Variants in PRAMEF2 observed in about 807,000 individuals in gnomAD.
PRAMEF2 encodes the protein PRAME family member 2.
Under a neutral mutation model 38.0 loss-of-function variants are expected in PRAMEF2, and 35 were observed. The observed-to-expected ratio is 0.92, with a 90% CI of 0.70 to 1.22. The LOEUF is 1.22. PRAMEF2 is among the 50% of genes most tolerant of loss of function. The pLI is 0.00. For synonymous variants in PRAMEF2, 240 were observed against 232.4 expected, an observed-to-expected ratio of 1.03 and a Z score of -0.30; for missense variants, 562 against 553.9, an observed-to-expected ratio of 1.01 and a Z score of -0.15.
chr1:12,858,282 A>G (rs1188980888), intron 1 of PRAMEF2, among the ~76,000 whole-genome samples: 1 of 149,910 alleles, frequency 6.7e-6, no homozygotes, highest in Non-Finnish European at 1.5e-5. Context: ...TTTGAGTCAG[A>G]GTCCAACGCT....
intron 3 of PRAMEF2, among the ~76,000 whole-genome samples, chr1:12,860,613 G>A (rs1317395944): frequency 6.7e-6 from 1 of 149,918 alleles, no homozygotes; most frequent in Non-Finnish European, 1.5e-5. Context: ...TAATAGAGGA[G>A]GGTATGAAAG....
Position 12,859,108 on chromosome 1 carries a change from G to T in PRAMEF2, c.99G>T (p.Arg33Ser), listed in dbSNP as rs9661554. 181,853 of 1,604,410 alleles carry T rather than the reference G, an allele frequency of 0.11. 15,043 individuals carry two copies. Among genetic ancestry groups the T allele is most frequent in the African/African-American group, 0.13 (9,265 of 74,020 alleles). Reference sequence around the variant, plus strand: ...TCTCTGCCATGGAGGAGCTGCCCAGGGTGCTCTATCTCCCACTCTTCAGGG... The same window carrying T: ...TCTCTGCCATGGAGGAGCTGCCCAGTGTGCTCTATCTCCCACTCTTCAGGG... ...LSISAMEELP[R>S]VLYLPLFREA... Residue 33 changes from arginine (R) to serine (S), a missense_variant, in exon 2 of 4, where the codon AGG becomes AGT. Coordinates refer to ENST00000240189, the MANE Select transcript of PRAMEF2 (RefSeq NM_023014.1).
rs1034410637 is a variant in PRAMEF2, at chr1:12,858,861, G to A, written c.-25-124G>A. The A allele has an allele frequency of 1.3e-5, 15 of 1,137,096 alleles. 2 individuals carry two copies. The African/African-American group carries it at 1.4e-4, about 11-fold the overall frequency. 70.4% of individuals were successfully genotyped at this position (1,137,096 alleles called of 1,614,324 possible). On this transcript the variant is annotated intron_variant, in intron 1 of 3. Coordinates refer to ENST00000240189, the MANE Select transcript of PRAMEF2 (RefSeq NM_023014.1). ...TATAGATTTGAGGCCAACAAGCACAGTGGAATTGGGGTAAAGTGGTAATTT... is the reference window on the plus strand; with the variant it reads ...TATAGATTTGAGGCCAACAAGCACAATGGAATTGGGGTAAAGTGGTAATTT...
Position 12,861,294 on chromosome 1 carries a change from T to C in PRAMEF2, c.940T>C (p.Ser314Pro). The C allele has an allele frequency of 6.2e-7, 1 of 1,607,414 alleles. No homozygotes were observed. ...NLLEEDLKCL[S>P]QFPSLGYLKH... is the part of the protein sequence containing the mutation. ...ATTAGAAGAGGACTTGAAGTGTCTC[T>C]CCCAGTTCCCAAGCCTCGGTTACCT... Residue 314 changes from serine (S) to proline (P), a missense_variant, in exon 4 of 4, where the codon TCC becomes CCC. Ser to Pro is a moderately conservative substitution (Grantham distance 74, BLOSUM62 -1). Coordinates refer to ENST00000240189, the MANE Select transcript of PRAMEF2 (RefSeq NM_023014.1).
chr1:12,857,801 T>C (rs1737101), intron 1 of PRAMEF2, among the ~76,000 whole-genome samples: 13,417 of 127,058 alleles, frequency 0.11, 706 homozygotes, highest in East Asian at 0.18. Flanking sequence ...TAGTTACATG[T>C]GATTCTCCTG....
chr1:12,859,903 C>A lies in PRAMEF2; in HGVS notation c.498C>A (p.Tyr166Ter). ...TACCCCAGGATGAATGCCTGAGATA[C>A]CTCTTCCAGTGGGTTTACCAAAGGA... ...KEIPQDECLRYLFQWVYQRRG... is the reference protein window; with the variant it reads ...KEIPQDECLR Residue 166 changes from tyrosine to a stop codon, truncating the protein, a stop_gained, in exon 3 of 4, where the codon TAC (tyrosine) becomes TAA (stop). Coordinates refer to ENST00000240189, the MANE Select transcript of PRAMEF2 (RefSeq NM_023014.1). LOFTEE classifies it high-confidence loss of function. The A allele has an allele frequency of 1.2e-6, 2 of 1,608,542 alleles. No individual in the cohort carries two copies. The highest frequency in any genetic ancestry group is 2.7e-5 in the African/African-American group (2 of 74,582).
In PRAMEF2 at chr1:12,859,176, T is replaced by C. The variant is rs1569846328; in HGVS notation, c.167T>C (p.Val56Ala). ...CACTTCCAGACTCTGACGGTGATGG[T>C]GCAGGCCTGGCCTTTCACCTGCCTC... ...RRHFQTLTVMVQAWPFTCLPL... is the reference protein window; with the variant it reads ...RRHFQTLTVMAQAWPFTCLPL... Residue 56 changes from valine to alanine, a missense_variant, in exon 2 of 4, where the codon GTG becomes GCG. Val to Ala is a moderately conservative substitution (Grantham distance 64). Around this residue, in one of 2 missense-constraint regions of PRAMEF2, gnomAD observed 486 missense variants for 444.2 expected, o/e 1.09. Coordinates refer to ENST00000240189, the MANE Select transcript of PRAMEF2 (RefSeq NM_023014.1). 6.2e-7 allele frequency: 1 copy of C among 1,608,548 alleles called. No homozygotes were observed. Among genetic ancestry groups the C allele is most frequent in the Non-Finnish European group, 8.5e-7 (1 of 1,177,496 alleles).
At chr1:12,860,791 G>C (rs1259349046) in intron 3 of PRAMEF2, among the ~76,000 whole-genome samples, 1 of 150,040 alleles carries the variant, frequency 6.7e-6, no homozygotes. Context: ...GGAGGTGAGG[G>C]AGTAGGCGTG....
At chr1:12,859,398 G>T in intron 2 of PRAMEF2, 102 bp downstream of exon 2, 1 of 1,582,024 alleles carries the variant, frequency 6.3e-7, no homozygotes, top group Non-Finnish European at 8.6e-7. Flanking sequence ...AGAGTCTTCT[G>T]ATGGTGTTGG....
chr1:12,861,060 C>G (rs878872505), intron 3 of PRAMEF2, among the ~76,000 whole-genome samples, 161 bp from the exon 4 acceptor site: 1 of 148,740 alleles, frequency 6.7e-6, no homozygotes, highest in African/African-American at 2.5e-5. Context: ...AGCCCCTGAA[C>G]GATCAGGGTC....
rs751461830 is a variant in PRAMEF2, at chr1:12,860,188, T to A, written c.783T>A (p.Ser261=). 1 of 1,607,066 alleles carries A rather than the reference T, an allele frequency of 6.2e-7. No homozygotes were observed. The highest frequency in any genetic ancestry group is 2.2e-5 in the East Asian group (1 of 44,714). Residue 261 remains serine, a synonymous_variant, in exon 3 of 4, where the codon TCT becomes TCA. Coordinates refer to ENST00000240189, the MANE Select transcript of PRAMEF2 (RefSeq NM_023014.1). The part of the protein sequence containing the change: ...LEGWLVTRFT[S]VFLRLEHLQL... Reference sequence around the variant, plus strand: ...GATGGTTAGTCACCAGATTCACCTCTGTGTTCCTCAGGCTGGAACACCTCC... The same window carrying A: ...GATGGTTAGTCACCAGATTCACCTCAGTGTTCCTCAGGCTGGAACACCTCC...
In PRAMEF2 at chr1:12,859,084, C is replaced by T. The variant is rs375458973; in HGVS notation, c.75C>T (p.Ile25=). 8 of 1,605,268 alleles carry T rather than the reference C, an allele frequency of 5.0e-6. No individual in the cohort carries two copies. Among genetic ancestry groups the T allele is most frequent in the Non-Finnish European group, 6.8e-6 (8 of 1,176,542 alleles). ...TGCTGAGAGACCAGGCCTTGTCCAT[C>T]TCTGCCATGGAGGAGCTGCCCAGGG... is the stretch of plus-strand genomic sequence containing the variant. ...QSLLRDQALS[I]SAMEELPRVL... is the part of the protein sequence containing the mutation. Residue 25 remains isoleucine, a synonymous_variant, in exon 2 of 4, where the codon ATC becomes ATT. Coordinates refer to ENST00000240189, the MANE Select transcript of PRAMEF2 (RefSeq NM_023014.1).
At position 12,857,101 on chromosome 1, in the gene PRAMEF2, T is replaced by G. The variant is rs1640461596; in HGVS notation, c.-72T>G. The stretch of plus-strand genomic sequence containing the variant: ...AGCACTCACACCTGAAGCTACTGGT[T>G]GGTTCCCTGAGAGGTCCCAGAACTC... On this transcript the variant is annotated 5_prime_UTR_variant, in exon 1 of 4. Transcript: ENST00000240189. The G allele has an allele frequency of 6.7e-6, 1 of 148,782 alleles. No individual in the cohort carries two copies. Among genetic ancestry groups the G allele is most frequent in the Non-Finnish European group, 1.5e-5 (1 of 67,172 alleles). 9.2% of individuals were successfully genotyped at this position (148,782 alleles called of 1,614,324 possible). A position where few individuals can be genotyped will look rare whatever the true frequency, so the allele number is the denominator to read the frequency against.
Position 12,860,031 on chromosome 1 carries a change from A to C in PRAMEF2, c.626A>C (p.Glu209Ala). 6.2e-7 allele frequency: 1 copy of C among 1,606,904 alleles called. No homozygotes were observed. Among genetic ancestry groups the C allele is most frequent in the South Asian group, 1.1e-5 (1 of 90,488 alleles). Residue 209 changes from glutamate to alanine, a missense_variant, in exon 3 of 4, where the codon GAG (glutamate) becomes GCG (alanine). Glu to Ala is a moderately radical substitution (Grantham distance 107). Transcript: ENST00000240189. ...LKIIYINSIGELEIHNTCWPH... is the reference protein window; with the variant it reads ...LKIIYINSIGALEIHNTCWPH... ...ATAATATACATTAATAGTATTGGGG[A>C]GCTGGAAATTCACAACACGTGCTGG...
Position 12,861,462 on chromosome 1 carries a change from C to A in PRAMEF2, c.1108C>A (p.Leu370Met), listed in dbSNP as rs895211313. Reference sequence around the variant, plus strand: ...CCACTACTCCCAACTCAGTGCCATCCTGCCTGGCCTGAGCTGCTGCTCCCA... The same window carrying A: ...CCACTACTCCCAACTCAGTGCCATCATGCCTGGCCTGAGCTGCTGCTCCCA... Reference protein sequence around the residue: ...QIHYSQLSAILPGLSCCSQLT... With the variant: ...QIHYSQLSAIMPGLSCCSQLT... The change falls in exon 4 of 4, where the codon CTG becomes ATG. Residue 370 changes from leucine (L) to methionine (M), a missense_variant. By Grantham distance (15) the Leu-to-Met change is conservative. Coordinates refer to ENST00000240189, the MANE Select transcript of PRAMEF2 (RefSeq NM_023014.1). The A allele has an allele frequency of 6.2e-7, 1 of 1,605,696 alleles. No homozygotes were observed. Among genetic ancestry groups the A allele is most frequent in the Admixed American group, 1.7e-5 (1 of 58,114 alleles).
At chr1:12,858,345 C>T (rs1640479825) in intron 1 of PRAMEF2, among the ~76,000 whole-genome samples, 2 of 150,164 alleles carry the variant, frequency 1.3e-5, no homozygotes, top group African/African-American at 2.4e-5. Context: ...AAACCTCTGC[C>T]TTCTGGAGTC....
At chr1:12,858,275 G>C (rs941649880) in intron 1 of PRAMEF2, among the ~76,000 whole-genome samples, 3 of 149,838 alleles carry the variant, frequency 2.0e-5, no homozygotes, top group Non-Finnish European at 4.4e-5. Context: ...GTTTATTTTT[G>C]AGTCAGAGTC....
rs147114666 is a variant in PRAMEF2 at position 12,860,717 on chromosome 1, C to G, written c.866+446C>G. ...AATGATCCTGTCTTTAATTCCCTGT[C>G]TGCAAAACGTTGTTTTGAACTCCAG... On this transcript the variant is annotated intron_variant, in intron 3 of 3. Coordinates refer to ENST00000240189, the MANE Select transcript of PRAMEF2 (RefSeq NM_023014.1). Among the ~76,000 whole-genome samples, 30 of 150,480 alleles carry G rather than the reference C, an allele frequency of 2.0e-4. 2 individuals are homozygous for G. Among genetic ancestry groups the G allele is most frequent in the African/African-American group, 7.1e-4 (29 of 41,018 alleles).
In PRAMEF2 at chr1:12,861,239, G is replaced by A; in HGVS notation, c.885G>A (p.Leu295=). ...TCCACAGGTGCCTCCAGAACCCCTT[G>A]GAGAACTTGGAATTAACTTGTGGCA... ...EQLIRCLQNP[L]ENLELTCGNL... The change falls in exon 4 of 4, where the codon TTG becomes TTA. Residue 295 remains leucine (L), a synonymous_variant. Transcript: ENST00000240189. The A allele has an allele frequency of 5.6e-6, 9 of 1,607,500 alleles. No individual in the cohort carries two copies. Among genetic ancestry groups the A allele is most frequent in the Non-Finnish European group, 7.6e-6 (9 of 1,176,636 alleles).
Sources: allele counts gnomAD v4.1 joint callset (sites outside exome capture counted in the v4.1 genomes callset), GRCh38; gene constraint gnomAD v4.1.1; regional missense constraint gnomAD v4.1.1; transcripts MANE v1.5; gene names NCBI Gene and HGNC (gene_info 2026-07-23, HGNC 2026-07-21).